The following KMT2C variants were observed in gnomAD, a reference collection of about 807,000 sequenced individuals.
KMT2C encodes histone-lysine N-methyltransferase 2C.
In KMT2C, 88 loss-of-function variants were observed where a neutral mutation model predicts 507.9. The ratio of observed to expected loss-of-function variants is 0.17; its 90% confidence interval spans 0.15 to 0.21. The LOEUF is 0.21. KMT2C is among the 10% of genes least tolerant of loss of function. KMT2C has a pLI of 1.00. For missense variants in KMT2C, 4,954 were observed against 5,957.8 expected (o/e 0.83, Z 5.55); for synonymous variants, 2,049 against 2,080.8 (o/e 0.98, Z 0.42).
intron 27 of KMT2C, among the ~76,000 whole-genome samples, chr7:152,198,846 T>A (rs372710348): frequency 1.5e-4 from 23 of 152,208 alleles, no homozygotes; most frequent in African/African-American, 4.8e-4. Context: ...TAAGAAACCA[T>A]GACCTAGGGC....
chr7:152,246,407 C>CATATAAGATGGA (rs2129162747), intron 14 of KMT2C, among the ~76,000 whole-genome samples: 1 of 152,102 alleles, frequency 6.6e-6, no homozygotes, highest in East Asian at 1.9e-4. Flanking sequence ...GGACATGGCT[C>CATATAAGATGGA]ATATAAGATG....
chr7:152,209,629 G>A (rs550299092), intron 23 of KMT2C, among the ~76,000 whole-genome samples: 2 of 151,856 alleles, frequency 1.3e-5, no homozygotes, highest in African/African-American at 4.8e-5. Context: ...CAGCTATTTG[G>A]GAGGCTGAGG....
At chr7:152,179,812 G>C (rs371564850) in intron 37 of KMT2C, 22 bp downstream of exon 37, 1 of 1,603,568 alleles carries the variant, frequency 6.2e-7, no homozygotes, top group Non-Finnish European at 8.5e-7. Flanking sequence ...ATTTAAATTC[G>C]GCAGGAAATT....
At position 152,144,266 on chromosome 7, in the gene KMT2C, T is replaced by C. The variant is rs2090890670; in HGVS notation, c.14343+447A>G. On this transcript the variant is annotated intron_variant, in intron 55 of 58. Transcript: ENST00000262189. The surrounding 1 kb of genome is among the most constrained non-coding windows in gnomAD (Gnocchi z 4.4). Reference sequence around the variant, plus strand: ...CTTAGCCTATACACGGCCTTACTTGTAAGATAGTCCACAGTCTACCAAAAA... The same window carrying C: ...CTTAGCCTATACACGGCCTTACTTGCAAGATAGTCCACAGTCTACCAAAAA... Among the ~76,000 whole-genome samples the C allele has an allele frequency of 2.6e-5, 4 of 152,218 alleles. No homozygotes were observed.
At chr7:152,299,182 G>A (rs528883282) in intron 6 of KMT2C, among the ~76,000 whole-genome samples, 1 of 152,042 alleles carries the variant, frequency 6.6e-6, no homozygotes, top group East Asian at 1.9e-4. Context: ...GCTGGGTGTG[G>A]TGGTGCACGT....
At chr7:152,308,534 G>A (rs2096640460) in intron 6 of KMT2C, among the ~76,000 whole-genome samples, 1 of 151,708 alleles carries the variant, frequency 6.6e-6, no homozygotes, top group South Asian at 2.1e-4. Flanking sequence ...AAATTAGCCG[G>A]TGTGGTGGCA....
At chr7:152,302,686 G>A (rs1320908784) in intron 6 of KMT2C, among the ~76,000 whole-genome samples, 5 of 151,948 alleles carry the variant, frequency 3.3e-5, no homozygotes, top group Non-Finnish European at 7.4e-5. Flanking sequence ...CTGTTGCCCA[G>A]GATGGAGTGC....
At chr7:152,296,716 C>A (rs762742851) in intron 6 of KMT2C, among the ~76,000 whole-genome samples, 2 of 151,990 alleles carry the variant, frequency 1.3e-5, no homozygotes, top group Non-Finnish European at 2.9e-5. Flanking sequence ...TACCCATCAC[C>A]CTAACTCCTA....
intron 9 of KMT2C, among the ~76,000 whole-genome samples, chr7:152,261,696 T>C (rs910040970): frequency 6.6e-6 from 1 of 152,226 alleles, no homozygotes; most frequent in Non-Finnish European, 1.5e-5. Context: ...TAGTCTTAAA[T>C]GTCCTTTTTC....
intron 6 of KMT2C, among the ~76,000 whole-genome samples, chr7:152,280,095 G>A (rs1433938508): frequency 2.4e-4 from 37 of 151,722 alleles, no homozygotes; most frequent in Admixed American, 8.5e-4. Context: ...CTTTGAAAGC[G>A]GAGTTTTCTC....
At chr7:152,211,390 A>G (rs1324283518) in intron 23 of KMT2C, among the ~76,000 whole-genome samples, 1 of 152,236 alleles carries the variant, frequency 6.6e-6, no homozygotes, top group African/African-American at 2.4e-5. Flanking sequence ...GGGAAAAAAT[A>G]AAGAGAAATT....
In KMT2C at chr7:152,183,150, C is replaced by T. The variant is rs750811424; in HGVS notation, c.5089G>A (p.Ala1697Thr). 6.5e-6 allele frequency: 10 copies of T among 1,541,234 alleles called. No homozygotes were observed. The African/African-American group carries it at 1.1e-4, about 17-fold the overall frequency. ...CGTAAAGCAGCTCTGTTATCTCTGG[C>T]TTTTTGCTTTGACAAAAGAAGAGAA... Reference protein sequence around the residue: ...SQERAPYVQKARDNRAALRIN... With the variant: ...SQERAPYVQKTRDNRAALRIN... Residue 1697 changes from alanine (A) to threonine (T), a missense_variant, in exon 35 of 59, where the codon GCC (alanine) becomes ACC (threonine). This residue lies in a region of KMT2C where 58 missense variants were observed against 63.3 expected (regional missense o/e 0.92). Transcript: ENST00000262189.
Position 152,238,835 on chromosome 7 carries a change from T to C in KMT2C, c.2533-9A>G, listed in dbSNP as rs1311901790. 3.2e-6 allele frequency: 5 copies of C among 1,586,572 alleles called. No individual in the cohort carries two copies. The highest frequency in any genetic ancestry group is 4.3e-6 in the Non-Finnish European group (5 of 1,170,700). On this transcript the variant is annotated splice_polypyrimidine_tract_variant and intron_variant, in intron 14 of 58. Transcript: ENST00000262189. The stretch of plus-strand genomic sequence containing the variant: ...TGGGTACTCCAAGCCCCCTAGGATA[T>C]GGCAGTTGAGAAAATAGATGTGTAA...
rs2129124529 is a variant in KMT2C, at chr7:152,187,286, G to A, written c.4984C>T (p.Pro1662Ser). 6.2e-7 allele frequency: 1 copy of A among 1,613,858 alleles called. No individual in the cohort carries two copies. The highest frequency in any genetic ancestry group is 8.5e-7 in the Non-Finnish European group (1 of 1,179,820). ...CCAGGGAATTCTTCCTTTAAGTTGG[G>A]GAAATTAATATTGGTGTAGAGAACT... Reference protein sequence around the residue: ...APVLYTNINFPNLKEEFPDWT... With the variant: ...APVLYTNINFSNLKEEFPDWT... The change falls in exon 33 of 59, where the codon CCC (proline) becomes TCC (serine). Residue 1662 changes from proline (P) to serine (S), a missense_variant. Pro to Ser is a moderately conservative substitution (Grantham distance 74). Around this residue, in one of 29 missense-constraint regions of KMT2C, gnomAD observed 24 missense variants for 52.9 expected, o/e 0.45. Coordinates refer to ENST00000262189, the MANE Select transcript of KMT2C (RefSeq NM_170606.3).
At chr7:152,218,051 G>T (rs1354306240) in intron 23 of KMT2C, among the ~76,000 whole-genome samples, 1 of 152,120 alleles carries the variant, frequency 6.6e-6, no homozygotes, top group Non-Finnish European at 1.5e-5. Flanking sequence ...CTGTTCAATT[G>T]TATCTGAAAA....
chr7:152,232,055 A>G (rs1426523167), intron 16 of KMT2C, among the ~76,000 whole-genome samples: 2 of 151,716 alleles, frequency 1.3e-5, no homozygotes, highest in Non-Finnish European at 2.9e-5. Flanking sequence ...AATTTTTTGT[A>G]TTTTTAGTAG....
chr7:152,358,538 A>T (rs765065378), intron 2 of KMT2C, 49 bp downstream of exon 2: 1 of 1,165,604 alleles, frequency 8.6e-7, no homozygotes, highest in South Asian at 1.3e-5. Context: ...GTGTACAAAC[A>T]TATGCAAAGC....
intron 23 of KMT2C, among the ~76,000 whole-genome samples, chr7:152,209,919 CA>C (rs2094414326): frequency 1.3e-5 from 2 of 152,070 alleles, no homozygotes; most frequent in East Asian, 3.9e-4. Flanking sequence ...ACCCAAGCAA[CA>C]AGAGATTTAA....
Position 152,154,080 on chromosome 7 carries a change from C to T in KMT2C, c.12206G>A (p.Gly4069Asp). ...PGTLYFASPFGPSPNGPRSGL... is the reference protein window; with the variant it reads ...PGTLYFASPFDPSPNGPRSGL... Reference sequence around the variant, plus strand: ...TGATCTGGGACCATTTGGGGAAGGACCAAAAGGTGACGCAAAATATAAAGT... The same window carrying T: ...TGATCTGGGACCATTTGGGGAAGGATCAAAAGGTGACGCAAAATATAAAGT... The change falls in exon 48 of 59, where the codon GGT becomes GAT. Residue 4069 changes from glycine to aspartate, a missense_variant. Coordinates refer to ENST00000262189, the MANE Select transcript of KMT2C (RefSeq NM_170606.3). 6.2e-7 allele frequency: 1 copy of T among 1,613,930 alleles called. No homozygotes were observed. Among genetic ancestry groups the T allele is most frequent in the African/African-American group, 1.3e-5 (1 of 74,956 alleles).
Sources: allele counts gnomAD v4.1 joint callset (sites outside exome capture counted in the v4.1 genomes callset), GRCh38; gene constraint gnomAD v4.1.1; regional missense constraint gnomAD v4.1.1; non-coding constraint Gnocchi (gnomAD v3.1); transcripts MANE v1.5; gene names NCBI Gene and HGNC (gene_info 2026-07-23, HGNC 2026-07-21).